The following MAGI2 variants were observed in gnomAD, a reference collection of about 807,000 sequenced individuals.
MAGI2 encodes the protein membrane associated guanylate kinase, WW and PDZ domain containing 2, also known as membrane-associated guanylate kinase, WW and PDZ domain-containing protein 2.
A neutral mutation model predicts 133.3 loss-of-function variants in MAGI2; 35 were observed. The observed-to-expected ratio is 0.26, with a 90% CI of 0.20 to 0.35. The LOEUF (loss-of-function observed/expected upper bound fraction) is 0.35. MAGI2 is among the 10% of genes least tolerant of loss of function. The pLI is 1.00. For missense variants in MAGI2, 1,636 were observed against 1,863.4 expected (o/e 0.88, Z 2.25); for synonymous variants, 729 against 710.6 (o/e 1.03, Z -0.41).
At chr7:78,697,034 T>G (rs1279553220) in intron 2 of MAGI2, among the ~76,000 whole-genome samples, 2 of 152,208 alleles carry the variant, frequency 1.3e-5, no homozygotes, top group Admixed American at 6.5e-5. Context: ...GCTATGTGGA[T>G]CATGTATTTT....
At chr7:78,547,370 C>T (rs1798932122) in intron 3 of MAGI2, among the ~76,000 whole-genome samples, 1 of 152,228 alleles carries the variant, frequency 6.6e-6, no homozygotes, top group Non-Finnish European at 1.5e-5. Context: ...CCTCCTATCA[C>T]CATGCAGTTC....
chr7:78,996,344 T>A lies in MAGI2; in HGVS notation c.418+10746A>T, dbSNP rs1274382383. Among the ~76,000 whole-genome samples, 3 of 152,214 alleles carry A rather than the reference T, an allele frequency of 2.0e-5. No homozygotes were observed. The East Asian group carries it at 5.8e-4, about 29-fold the overall frequency. Reference sequence around the variant, plus strand: ...TATCAAGCCAGATTCCCAAATCTTTTGTCACTGAAGTGTTCTGAGATATAC... The same window carrying A: ...TATCAAGCCAGATTCCCAAATCTTTAGTCACTGAAGTGTTCTGAGATATAC... On this transcript the variant is annotated intron_variant, in intron 2 of 21. Transcript: ENST00000354212.
intron 1 of MAGI2, among the ~76,000 whole-genome samples, chr7:79,363,228 AG>A (rs145218791): frequency 0.15 from 22,636 of 150,774 alleles, 1,870 homozygotes; most frequent in East Asian, 0.29. Flanking sequence ...TTAGGTATAC[AG>A]TTTAAAAATG....
At chr7:78,667,274 G>A (rs113584406) in intron 2 of MAGI2, among the ~76,000 whole-genome samples, 2,323 of 150,348 alleles carry the variant, frequency 0.015, 69 homozygotes, top group African/African-American at 0.054. Context: ...GGCTACCACC[G>A]ATCTGTTCTC....
chr7:78,916,607 A>T (rs948899043), intron 2 of MAGI2, among the ~76,000 whole-genome samples: 2 of 152,184 alleles, frequency 1.3e-5, no homozygotes, highest in African/African-American at 4.8e-5. Flanking sequence ...TTTCAGGATG[A>T]TGAATAAGTG....
rs80277880 is a variant in MAGI2, at chr7:78,675,546, G to C, written c.419-48307C>G. On this transcript the variant is annotated intron_variant, in intron 2 of 21. Coordinates refer to ENST00000354212, the MANE Select transcript of MAGI2 (RefSeq NM_012301.4). ...ATAAATACATTTATTTTATCAAGAT[G>C]CAGAATTTAAAAGCATCAAGGAGAA... 9.2e-5 allele frequency among the ~76,000 whole-genome samples: 14 copies of C among 152,196 alleles called. No individual in the cohort carries two copies. In the East Asian group the frequency reaches 2.7e-3, roughly 29 times the overall value.
chr7:78,624,891 A>G (rs1167450249), intron 3 of MAGI2, among the ~76,000 whole-genome samples: 1 of 152,128 alleles, frequency 6.6e-6, no homozygotes, highest in Non-Finnish European at 1.5e-5. Flanking sequence ...TTTTATTGTT[A>G]TTTTAGGAGT....
At chr7:78,028,652 C>T (rs1033845985) in intron 21 of MAGI2, among the ~76,000 whole-genome samples, 4 of 152,050 alleles carry the variant, frequency 2.6e-5, no homozygotes, top group Non-Finnish European at 5.9e-5. Flanking sequence ...GTCAGGAGTT[C>T]GAGACCAGCC....
intron 6 of MAGI2, among the ~76,000 whole-genome samples, chr7:78,378,583 G>A (rs919280370): frequency 2.1e-4 from 32 of 152,022 alleles, no homozygotes; most frequent in Admixed American, 9.8e-4. Context: ...GCATTTTAAA[G>A]ACTCTCAAAG....
chr7:78,890,685 C>G (rs1796670684), intron 2 of MAGI2, among the ~76,000 whole-genome samples: 1 of 152,098 alleles, frequency 6.6e-6, no homozygotes, highest in Admixed American at 6.5e-5. Flanking sequence ...CCAATGAGAA[C>G]AAAGACACAA....
chr7:79,203,117 G>A (rs1181225688), intron 1 of MAGI2, among the ~76,000 whole-genome samples: 5 of 151,800 alleles, frequency 3.3e-5, no homozygotes, highest in East Asian at 1.9e-4. Flanking sequence ...CTCCACACAC[G>A]AAAATTAACA....
At chr7:78,760,722 T>C (rs1824423654) in intron 2 of MAGI2, among the ~76,000 whole-genome samples, 1 of 152,198 alleles carries the variant, frequency 6.6e-6, no homozygotes, top group Admixed American at 6.5e-5. Context: ...TCCCCAGGAA[T>C]ATTTTATCCC....
chr7:78,943,520 T>C (rs1801155988), intron 2 of MAGI2, among the ~76,000 whole-genome samples: 1 of 152,174 alleles, frequency 6.6e-6, no homozygotes, highest in African/African-American at 2.4e-5. Flanking sequence ...ATTATACAGC[T>C]TTGTGTACTG....
chr7:79,062,631 T>C (rs1813866211), intron 1 of MAGI2, among the ~76,000 whole-genome samples: 1 of 152,164 alleles, frequency 6.6e-6, no homozygotes, highest in East Asian at 1.9e-4. Flanking sequence ...ACATAGTCTA[T>C]TCATTTTTAA....
chr7:78,838,228 TG>T (rs1334181240), intron 2 of MAGI2, among the ~76,000 whole-genome samples: 1 of 152,144 alleles, frequency 6.6e-6, no homozygotes, highest in Non-Finnish European at 1.5e-5. Context: ...TCTTTGTAGA[TG>T]TTTTTTTCAT....
intron 6 of MAGI2, among the ~76,000 whole-genome samples, chr7:78,450,042 T>C (rs915450331): frequency 6.6e-6 from 1 of 152,056 alleles, no homozygotes; most frequent in Non-Finnish European, 1.5e-5. Context: ...TTCAGGACAA[T>C]ATCCTTTGTA....
intron 20 of MAGI2, among the ~76,000 whole-genome samples, chr7:78,114,143 C>T (rs1410829451): frequency 6.6e-6 from 1 of 152,130 alleles, no homozygotes; most frequent in Non-Finnish European, 1.5e-5. Flanking sequence ...CTCGTTATTT[C>T]CTTACAAGGG....
At chr7:78,670,188 A>C (rs189831641) in intron 2 of MAGI2, among the ~76,000 whole-genome samples, 2 of 152,168 alleles carry the variant, frequency 1.3e-5, no homozygotes, top group Admixed American at 1.3e-4. Flanking sequence ...GTCTCAGCCC[A>C]AAATCTTCTT....
chr7:78,080,031 T>C (rs1815780946), intron 20 of MAGI2, among the ~76,000 whole-genome samples: 1 of 152,192 alleles, frequency 6.6e-6, no homozygotes, highest in Non-Finnish European at 1.5e-5. Flanking sequence ...CAGATCTCAG[T>C]CTAAACTCTG....
Sources: gnomAD v4.1 joint callset for allele counts (sites outside exome capture counted in the v4.1 genomes callset) on GRCh38, gnomAD v4.1.1 for gene constraint, MANE v1.5 for transcripts, NCBI Gene and HGNC (gene_info 2026-07-23, HGNC 2026-07-21) for gene names.